Variants in KLHL11 observed in about 807,000 individuals in gnomAD.
The protein encoded by KLHL11 is kelch-like protein 11.
In KLHL11, 26 loss-of-function variants were observed where a neutral mutation model predicts 56.1. The ratio of observed to expected loss-of-function variants is 0.46; its 90% CI spans 0.34 to 0.64. The LOEUF (loss-of-function observed/expected upper bound fraction) is 0.64. Ranked by LOEUF, KLHL11 falls within the 30% of genes least tolerant of loss-of-function variation. KLHL11 has a pLI of 0.01. For synonymous variants in KLHL11, 338 were observed against 345.8 expected (o/e 0.98, Z 0.25); for missense variants, 627 against 919.4 (o/e 0.68, Z 4.11).
At position 41,854,116 on chromosome 17, in the gene KLHL11, A is replaced by G; in HGVS notation, c.1751T>C (p.Val584Ala). 6.2e-7 allele frequency: 1 copy of G among 1,614,192 alleles called. No homozygotes were observed. Among genetic ancestry groups the G allele is most frequent in the Non-Finnish European group, 8.5e-7 (1 of 1,180,016 alleles). The change falls in exon 2 of 2, where the codon GTG becomes GCG. Residue 584 changes from valine (V) to alanine (A), a missense_variant. By Grantham distance (64) the Val-to-Ala change is moderately conservative (BLOSUM62 0). This residue lies in a region of KLHL11 where 250 missense variants were observed against 360.6 expected (regional missense o/e 0.69). Transcript: ENST00000319121. The surrounding 1 kb of genome is among the most constrained non-coding windows in gnomAD (Gnocchi z 4.9). ...EEAVRKIASQ[V>A]SDEILESLPP... ...CAAGCTTTCAAGGATCTCATCAGAC[A>G]CTTGGCTGGCAATTTTTCTTACTGC... is the stretch of plus-strand genomic sequence containing the variant.
At chr17:41,859,778 A>C (rs1252415369) in intron 1 of KLHL11, among the ~76,000 whole-genome samples, 4 of 152,166 alleles carry the variant, frequency 2.6e-5, no homozygotes, top group African/African-American at 9.6e-5. Context: ...GTGATCTGGC[A>C]TGTAGCTGAC....
Position 41,850,785 on chromosome 17 carries a change from T to C in KLHL11, c.*2955A>G, listed in dbSNP as rs1411585045. On this transcript the variant is annotated 3_prime_UTR_variant, in exon 2 of 2. Coordinates refer to ENST00000319121, the MANE Select transcript of KLHL11 (RefSeq NM_018143.3). The stretch of plus-strand genomic sequence containing the variant: ...GTGGTGGGATGGGACAATATAATAA[T>C]ATATCCTTATATGTAGAAATAGACT... 1 of 152,184 alleles carries C rather than the reference T, an allele frequency of 6.6e-6. No homozygotes were observed. Among genetic ancestry groups the C allele is most frequent in the Non-Finnish European group, 1.5e-5 (1 of 68,036 alleles). 9.4% of individuals were successfully genotyped at this position (152,184 alleles called of 1,614,324 possible).
At position 41,854,872 on chromosome 17, in the gene KLHL11, C is replaced by T; in HGVS notation, c.995G>A (p.Arg332Lys). Residue 332 changes from arginine (R) to lysine (K), a missense_variant, in exon 2 of 2, where the codon AGA becomes AAA. Physicochemically the swap from Arg to Lys is conservative, Grantham distance 26 (BLOSUM62 2). Coordinates refer to ENST00000319121, the MANE Select transcript of KLHL11 (RefSeq NM_018143.3). This position sits in a 1 kb window ranked among gnomAD's most constrained non-coding sequence, Gnocchi z 4.9. ...TGTGCCAGATTGTATATTCTCAGCT[C>T]TCAGAGCATGTCTCTCCACTGCGTC... ...VADAVERHAL[R>K]AENIQSGTCQ... 1.9e-6 allele frequency: 3 copies of T among 1,614,244 alleles called. No individual in the cohort carries two copies. Among genetic ancestry groups the T allele is most frequent in the Non-Finnish European group, 2.5e-6 (3 of 1,180,038 alleles).
Position 41,849,693 on chromosome 17 carries a change from A to T in KLHL11, c.*4047T>A, listed in dbSNP as rs1555621880. On this transcript the variant is annotated 3_prime_UTR_variant, in exon 2 of 2. Transcript: ENST00000319121. The stretch of plus-strand genomic sequence containing the variant: ...AAAAAAGATATTTTTGAACTGGCAC[A>T]GCAAAAGCAAAGTTGAACATCATGA... 6.6e-6 allele frequency: 1 copy of T among 152,244 alleles called. No individual in the cohort carries two copies. Among genetic ancestry groups the T allele is most frequent in the East Asian group, 1.9e-4 (1 of 5,204 alleles). The allele number at this position is 152,244 out of a possible 1,614,324, so 9.4% of individuals were successfully genotyped here.
intron 1 of KLHL11, among the ~76,000 whole-genome samples, chr17:41,863,907 GACAATCATCCAACAGGCTATACATTTA>G (rs1207915815): frequency 1.4e-4 from 21 of 152,152 alleles, no homozygotes; most frequent in South Asian, 8.3e-4. Context: ...CATCAGTGAT[GACAATCATCCAACAGGCTATACATTTA>G]ACAATCATCC....
chr17:41,855,250 A>G lies in KLHL11; in HGVS notation c.617T>C (p.Val206Ala). ...LKKKLHLSNC[V>A]AIHSLAHMYT... ...CATGTGTGCTAAGCTATGAATTGCC[A>G]CACAATTTGAGAGATGAAGTTTTTT... is the stretch of plus-strand genomic sequence containing the variant. Residue 206 changes from valine (V) to alanine (A), a missense_variant, in exon 2 of 2, where the codon GTG becomes GCG. This residue lies in a region of KLHL11 where 150 missense variants were observed against 215.7 expected (regional missense o/e 0.70). Transcript: ENST00000319121. 1 of 1,611,130 alleles carries G rather than the reference A, an allele frequency of 6.2e-7. No homozygotes were observed. The highest frequency in any genetic ancestry group is 2.2e-5 in the East Asian group (1 of 44,872).
intron 1 of KLHL11, among the ~76,000 whole-genome samples, chr17:41,858,442 T>C (rs2048381843): frequency 1.7e-5 from 1 of 59,646 alleles, no homozygotes; most frequent in Admixed American, 2.6e-4. Context: ...GTTGTTGTTT[T>C]TCTCCCCGAG....
rs893704407 is a variant in KLHL11, at chr17:41,849,002, G to T, written c.*4738C>A. ...TTACTTGAAGCAAAATGACTACTAGGTTATATTACTGTTATTATATTACAT... is the reference window on the plus strand; with the variant it reads ...TTACTTGAAGCAAAATGACTACTAGTTTATATTACTGTTATTATATTACAT... On this transcript the variant is annotated 3_prime_UTR_variant, in exon 2 of 2. Coordinates refer to ENST00000319121, the MANE Select transcript of KLHL11 (RefSeq NM_018143.3). 6.6e-6 allele frequency: 1 copy of T among 152,180 alleles called. No homozygotes were observed. The highest frequency in any genetic ancestry group is 1.5e-5 in the Non-Finnish European group (1 of 68,066). The allele number at this position is 152,180 out of a possible 1,614,324, so 9.4% of individuals were successfully genotyped here. A position where few individuals can be genotyped will look rare whatever the true frequency, so the allele number is the denominator to read the frequency against.
chr17:41,855,376 G>C, intron 1 of KLHL11, 55 bp from the exon 2 acceptor site: 1 of 1,372,536 alleles, frequency 7.3e-7, no homozygotes, highest in Non-Finnish European at 9.9e-7. Flanking sequence ...TATTTTATGT[G>C]GTTACTTTTT....
Position 41,852,608 on chromosome 17 carries a change from T to C in KLHL11, c.*1132A>G, listed in dbSNP as rs1468691927. On this transcript the variant is annotated 3_prime_UTR_variant, in exon 2 of 2. Coordinates refer to ENST00000319121, the MANE Select transcript of KLHL11 (RefSeq NM_018143.3). ...GAGTTCAAGACCAGCCTGGTCAACA[T>C]GGTGAAACCCTGTCTCTACTAAAAG... Among the ~76,000 whole-genome samples the C allele has an allele frequency of 2.6e-5, 4 of 151,854 alleles. No individual in the cohort carries two copies. The highest frequency in any genetic ancestry group is 5.9e-5 in the Non-Finnish European group (4 of 67,950).
intron 1 of KLHL11, among the ~76,000 whole-genome samples, chr17:41,863,131 A>G (rs2048415048): frequency 6.7e-6 from 1 of 149,578 alleles, no homozygotes; most frequent in East Asian, 2.0e-4. Context: ...AACCTCCTAC[A>G]CTAGTCTCTC....
chr17:41,858,098 G>A (rs1404144531), intron 1 of KLHL11, among the ~76,000 whole-genome samples: 3 of 152,018 alleles, frequency 2.0e-5, no homozygotes, highest in Admixed American at 1.3e-4. Context: ...GGTTACAGGC[G>A]TGAGCCACCA....
intron 1 of KLHL11, among the ~76,000 whole-genome samples, chr17:41,859,522 G>A (rs553075746): frequency 1.1e-4 from 16 of 152,008 alleles, no homozygotes; most frequent in East Asian, 9.6e-4. Flanking sequence ...CCGAGATCAT[G>A]CCACTGCACT....
intron 1 of KLHL11, among the ~76,000 whole-genome samples, chr17:41,858,921 T>C (rs1378642018): frequency 6.6e-6 from 1 of 152,126 alleles, no homozygotes; most frequent in Non-Finnish European, 1.5e-5. Flanking sequence ...AGGGACTTTA[T>C]GGTATAAAGT....
chr17:41,865,249 C>G lies in KLHL11; in HGVS notation c.122G>C (p.Arg41Pro). ...CCCGAAGTCCACCGTGCCGCTGCCT[C>G]GGACCTCGGCGGCCAGTCCTGCCGA... ...AGSAGLAAEV[R>P]GSGTVDFGPG... Residue 41 changes from arginine (R) to proline (P), a missense_variant, in exon 1 of 2, where the codon CGA becomes CCA. Physicochemically the swap from Arg to Pro is moderately radical, Grantham distance 103 (BLOSUM62 -2). This residue lies in a region of KLHL11 where 121 missense variants were observed against 116.2 expected (regional missense o/e 1.04). Coordinates refer to ENST00000319121, the MANE Select transcript of KLHL11 (RefSeq NM_018143.3). The G allele has an allele frequency of 6.3e-7, 1 of 1,587,444 alleles. No homozygotes were observed. The highest frequency in any genetic ancestry group is 8.5e-7 in the Non-Finnish European group (1 of 1,170,758).
chr17:41,860,154 G>A (rs540847685), intron 1 of KLHL11, among the ~76,000 whole-genome samples: 2 of 152,250 alleles, frequency 1.3e-5, no homozygotes, highest in South Asian at 4.1e-4. Flanking sequence ...TCCCAGACAT[G>A]TCTGGGTGCC....
rs1463220506 is a variant in KLHL11 at position 41,849,243 on chromosome 17, G to C, written c.*4497C>G. The C allele has an allele frequency of 6.6e-6, 1 of 152,142 alleles. No individual in the cohort carries two copies. The highest frequency in any genetic ancestry group is 1.5e-5 in the Non-Finnish European group (1 of 68,028). 9.4% of individuals were successfully genotyped at this position (152,142 alleles called of 1,614,324 possible). ...TACAGTAATGTACAACACTTTCAAAGACATGAAATGTGGCCCGTATACTAT... is the reference window on the plus strand; with the variant it reads ...TACAGTAATGTACAACACTTTCAAACACATGAAATGTGGCCCGTATACTAT... On this transcript the variant is annotated 3_prime_UTR_variant, in exon 2 of 2. Transcript: ENST00000319121.
At chr17:41,864,472 G>A (rs1477220600) in intron 1 of KLHL11, among the ~76,000 whole-genome samples, 2 of 152,236 alleles carry the variant, frequency 1.3e-5, no homozygotes, top group African/African-American at 2.4e-5. Flanking sequence ...TTGACATTCA[G>A]AGGTCGATCT....
chr17:41,865,298 T>C lies in KLHL11; in HGVS notation c.73A>G (p.Ser25Gly), dbSNP rs782754585. 4 of 1,557,088 alleles carry C rather than the reference T, an allele frequency of 2.6e-6. No individual in the cohort carries two copies. Among genetic ancestry groups the C allele is most frequent in the Admixed American group, 1.9e-5 (1 of 52,150 alleles). ...AASLQVLEMESMETAAAGSAG... is the reference protein window; with the variant it reads ...AASLQVLEMEGMETAAAGSAG... ...GAGCCGGCGGCGGCCGTCTCCATGCTCTCCATCTCCAGTACCTGAAGAGAT... is the reference window on the plus strand; with the variant it reads ...GAGCCGGCGGCGGCCGTCTCCATGCCCTCCATCTCCAGTACCTGAAGAGAT... The change falls in exon 1 of 2, where the codon AGC becomes GGC. Residue 25 changes from serine (S) to glycine (G), a missense_variant. Ser to Gly is a moderately conservative substitution (Grantham distance 56, BLOSUM62 0). Transcript: ENST00000319121.
Sources: allele counts gnomAD v4.1 joint callset (sites outside exome capture counted in the v4.1 genomes callset), GRCh38; gene constraint gnomAD v4.1.1; regional missense constraint gnomAD v4.1.1; non-coding constraint Gnocchi (gnomAD v3.1); transcripts MANE v1.5; gene names NCBI Gene and HGNC (gene_info 2026-07-23, HGNC 2026-07-21).